The following KHDRBS2 variants were observed in gnomAD, a reference collection of about 807,000 sequenced individuals.
KHDRBS2 encodes KH RNA binding domain containing, signal transduction associated 2.
KHDRBS2 carries 26 observed loss-of-function variants against 44.3 expected under a neutral mutation model. The ratio of observed to expected loss-of-function variants is 0.59; its 90% CI spans 0.43 to 0.81. The LOEUF (loss-of-function observed/expected upper bound fraction) is 0.81. KHDRBS2 is among the 40% of genes least tolerant of loss of function. The pLI, the probability that KHDRBS2 is intolerant of heterozygous loss-of-function variation, is 0.00. For synonymous variants in KHDRBS2, 194 were observed against 151.1 expected (o/e 1.28, Z -2.08); for missense variants, 476 against 433.1 (o/e 1.10, Z -0.88).
At chr6:62,182,814 C>T (rs1822608274) in intron 1 of KHDRBS2, among the ~76,000 whole-genome samples, 1 of 151,718 alleles carries the variant, frequency 6.6e-6, no homozygotes, top group Admixed American at 6.6e-5. Context: ...TTAATACCTC[C>T]CCTATATGTA....
At chr6:62,099,232 A>G (rs557333004) in intron 2 of KHDRBS2, among the ~76,000 whole-genome samples, 1 of 152,186 alleles carries the variant, frequency 6.6e-6, no homozygotes, top group East Asian at 1.9e-4. Flanking sequence ...ACATTCAAGG[A>G]TTTGGTATTT....
chr6:61,563,580 G>A, the KHDRBS2 span, among the ~76,000 whole-genome samples: 11 of 151,952 alleles, frequency 7.2e-5, no homozygotes, highest in African/African-American at 2.7e-4. Flanking sequence ...ATAGAAACAA[G>A]GTACAGGCAT....
At chr6:61,788,792 G>A (rs951661485) in intron 6 of KHDRBS2, among the ~76,000 whole-genome samples, 5 of 150,664 alleles carry the variant, frequency 3.3e-5, no homozygotes, top group African/African-American at 1.2e-4. Flanking sequence ...CCATTCCTAG[G>A]AAGTAAAATG....
intron 5 of KHDRBS2, 112 bp downstream of exon 5, chr6:61,901,132 G>T: frequency 2.1e-6 from 2 of 961,728 alleles, no homozygotes; most frequent in Non-Finnish European, 3.1e-6. Flanking sequence ...TGCTGTGGTG[G>T]TAGTGATTGT....
At chr6:62,095,956 T>C (rs1387308829) in intron 2 of KHDRBS2, among the ~76,000 whole-genome samples, 3 of 151,998 alleles carry the variant, frequency 2.0e-5, no homozygotes, top group Admixed American at 1.3e-4. Context: ...AAATGTTTTT[T>C]TATTCATCTA....
chr6:61,955,019 C>A (rs1413914875), intron 4 of KHDRBS2, among the ~76,000 whole-genome samples: 3 of 141,986 alleles, frequency 2.1e-5, no homozygotes, highest in Non-Finnish European at 4.6e-5. Context: ...TATGTATACA[C>A]ACATACATAT....
At chr6:61,869,671 C>T (rs1456667030) in intron 6 of KHDRBS2, among the ~76,000 whole-genome samples, 5 of 152,106 alleles carry the variant, frequency 3.3e-5, no homozygotes, top group African/African-American at 1.2e-4. Flanking sequence ...CCTGGTTCAT[C>T]TCATTGGGCT....
intron 2 of KHDRBS2, among the ~76,000 whole-genome samples, chr6:62,091,436 G>A (rs1045137044): frequency 9.9e-5 from 15 of 152,108 alleles, no homozygotes; most frequent in African/African-American, 2.7e-4. Flanking sequence ...ATCCCTTGGC[G>A]TTTAATAGAA....
At chr6:61,955,409 C>CACATACGTATGTGTATGTATACGTAT (rs1562519256) in intron 4 of KHDRBS2, among the ~76,000 whole-genome samples, 1 of 5,204 alleles carries the variant, frequency 1.9e-4, no homozygotes, top group African/African-American at 1.6e-3. Flanking sequence ...TATACATATA[C>CACATACGTATGTGTATGTATACGTAT]GTGTATATAT....
chr6:61,608,089 A>T, the KHDRBS2 span, among the ~76,000 whole-genome samples: 1 of 152,206 alleles, frequency 6.6e-6, no homozygotes, highest in Non-Finnish European at 1.5e-5. Flanking sequence ...ATGCAACTTG[A>T]CAAACTGATT....
At chr6:61,688,528 C>T (rs1767054161) in intron 8 of KHDRBS2, among the ~76,000 whole-genome samples, 1 of 151,852 alleles carries the variant, frequency 6.6e-6, no homozygotes, top group Non-Finnish European at 1.5e-5. Flanking sequence ...CTCCCTTTAA[C>T]TCAGTGAAGA....
intron 1 of KHDRBS2, among the ~76,000 whole-genome samples, chr6:62,253,235 C>T (rs1359670308): frequency 6.6e-6 from 1 of 151,958 alleles, no homozygotes; most frequent in Non-Finnish European, 1.5e-5. Context: ...TACAGTAATG[C>T]TATCAAGTAT....
chr6:61,716,677 C>T (rs1434406723), intron 7 of KHDRBS2, among the ~76,000 whole-genome samples: 1 of 151,976 alleles, frequency 6.6e-6, no homozygotes, highest in African/African-American at 2.4e-5. Flanking sequence ...TTATTGCATA[C>T]TTTGACAGTC....
intron 4 of KHDRBS2, among the ~76,000 whole-genome samples, chr6:61,961,950 T>C (rs1768831758): frequency 6.8e-6 from 1 of 147,230 alleles, no homozygotes; most frequent in African/African-American, 2.5e-5. Context: ...TACCATATAA[T>C]AAATACAATA....
chr6:61,715,043 G>C (rs1238246459), intron 7 of KHDRBS2, among the ~76,000 whole-genome samples: 2 of 151,810 alleles, frequency 1.3e-5, no homozygotes, highest in Non-Finnish European at 2.9e-5. Context: ...TCTATGCATA[G>C]AACAAATTAC....
chr6:61,684,914 T>A lies in KHDRBS2; in HGVS notation c.953-3854A>T, dbSNP rs916001301. Among the ~76,000 whole-genome samples the A allele has an allele frequency of 3.3e-5, 5 of 151,296 alleles. No homozygotes were observed. In the Admixed American group the frequency reaches 3.3e-4, roughly 10 times the overall value. On this transcript the variant is annotated intron_variant, in intron 8 of 8. Coordinates refer to ENST00000281156, the MANE Select transcript of KHDRBS2 (RefSeq NM_152688.4). ...TAAGAAATATTAGATAAATTTATAT[T>A]TATTATATGAATAATAAAGCATCAC...
chr6:61,810,571 T>TA (rs1562227260), intron 6 of KHDRBS2, among the ~76,000 whole-genome samples: 1 of 152,160 alleles, frequency 6.6e-6, no homozygotes, highest in African/African-American at 2.4e-5. Context: ...AAAAATTTAA[T>TA]AAAAATGTAT....
At chr6:61,912,892 C>A (rs1425744904) in intron 4 of KHDRBS2, among the ~76,000 whole-genome samples, 1 of 152,142 alleles carries the variant, frequency 6.6e-6, no homozygotes, top group Admixed American at 6.6e-5. Flanking sequence ...GTTCTTGGAT[C>A]TCTTCCGTCT....
At chr6:61,845,573 G>T (rs1275849610) in intron 6 of KHDRBS2, among the ~76,000 whole-genome samples, 8 of 152,188 alleles carry the variant, frequency 5.3e-5, no homozygotes, top group Non-Finnish European at 1.5e-5. Flanking sequence ...CTCCCAAAAT[G>T]CTGGGATTAC....
Sources: allele counts gnomAD v4.1 joint callset (sites outside exome capture counted in the v4.1 genomes callset), GRCh38; gene constraint gnomAD v4.1.1; transcripts MANE v1.5; gene names NCBI Gene and HGNC (gene_info 2026-07-23, HGNC 2026-07-21).